RAI1: variants seen among roughly 807,000 people sequenced by gnomAD.
RAI1 encodes retinoic acid-induced protein 1.
A neutral mutation model predicts 123.8 loss-of-function variants in RAI1; 9 were observed. The observed-to-expected ratio is 0.07, with a 90% CI of 0.04 to 0.13. RAI1 has a LOEUF of 0.13. Among genes scored for constraint, RAI1 ranks in the 10% least tolerant of loss-of-function variants. The pLI, the probability that RAI1 is intolerant of heterozygous loss-of-function variation, is 1.00. For missense variants in RAI1, 2,256 were observed against 2,545.8 expected, an observed-to-expected ratio of 0.89 and a Z score of 2.45; for synonymous variants, 1,231 against 1,127.3, an observed-to-expected ratio of 1.09 and a Z score of -1.84.
chr17:17,695,325 C>G (rs1914985756), intron 1 of RAI1, among the ~76,000 whole-genome samples: 1 of 152,152 alleles, frequency 6.6e-6, no homozygotes, highest in Non-Finnish European at 1.5e-5. Context: ...CCCAGGAGCA[C>G]AGGCCTCCCC....
intron 1 of RAI1, among the ~76,000 whole-genome samples, chr17:17,688,583 A>G (rs1034480386): frequency 3.3e-5 from 5 of 151,940 alleles, no homozygotes; most frequent in African/African-American, 4.8e-5. Flanking sequence ...GCTGTTAGGC[A>G]GTTGTTTTTT....
At chr17:17,731,556 G>C (rs563510227) in intron 2 of RAI1, among the ~76,000 whole-genome samples, 1 of 152,180 alleles carries the variant, frequency 6.6e-6, no homozygotes. Flanking sequence ...AGTGAGCACC[G>C]CTGGAGCAAA....
At chr17:17,780,539 G>T (rs559833816) in intron 2 of RAI1, among the ~76,000 whole-genome samples, 144 of 152,338 alleles carry the variant, frequency 9.5e-4, no homozygotes, top group African/African-American at 3.3e-3. Flanking sequence ...AGGGGGACCA[G>T]GGAGGGCCCC....
At chr17:17,808,499 G>C (rs549798990) in intron 4 of RAI1, among the ~76,000 whole-genome samples, 126 of 149,944 alleles carry the variant, frequency 8.4e-4, no homozygotes, top group African/African-American at 3.0e-3. Flanking sequence ...CCAGGCAGGG[G>C]TGCAGTGGTA....
At position 17,797,240 on chromosome 17, in the gene RAI1, C is replaced by T. The variant is rs780935216; in HGVS notation, c.4292C>T (p.Ser1431Phe). ...TGTTTCAAAACCGAGGCCTTCACATCCCCGGAGGCCCTGCAGCCTGGGGGG... is the reference window on the plus strand; with the variant it reads ...TGTTTCAAAACCGAGGCCTTCACATTCCCGGAGGCCCTGCAGCCTGGGGGG... Reference protein sequence around the residue: ...TDCFKTEAFTSPEALQPGGTA... With the variant: ...TDCFKTEAFTFPEALQPGGTA... The change falls in exon 3 of 6, where the codon TCC (serine) becomes TTC (phenylalanine). Residue 1431 changes from serine to phenylalanine, a missense_variant. Physicochemically the swap from Ser to Phe is radical, Grantham distance 155 (BLOSUM62 -2). This residue lies in a region of RAI1 where 410 missense variants were observed against 374.6 expected (regional missense o/e 1.09). Transcript: ENST00000353383. The T allele has an allele frequency of 6.2e-7, 1 of 1,613,542 alleles. No homozygotes were observed. The highest frequency in any genetic ancestry group is 8.5e-7 in the Non-Finnish European group (1 of 1,180,038).
intron 2 of RAI1, chr17:17,778,133 A>G (rs1404608372): frequency 6.6e-6 from 1 of 152,608 alleles, no homozygotes; most frequent in Admixed American, 6.5e-5. Flanking sequence ...CTGCATCAAA[A>G]TCTGCGTCTC....
chr17:17,805,857 T>A (rs921332840), intron 4 of RAI1, among the ~76,000 whole-genome samples: 1 of 152,304 alleles, frequency 6.6e-6, no homozygotes, highest in African/African-American at 2.4e-5. Flanking sequence ...GTCACATTCC[T>A]CCTTCCACAG....
At chr17:17,740,024 C>G (rs1916569421) in intron 2 of RAI1, among the ~76,000 whole-genome samples, 1 of 152,256 alleles carries the variant, frequency 6.6e-6, no homozygotes, top group African/African-American at 2.4e-5. Flanking sequence ...CAGCCCCACC[C>G]TGAGGGAATC....
intron 2 of RAI1, among the ~76,000 whole-genome samples, chr17:17,743,020 C>G (rs59064231): frequency 0.067 from 10,240 of 152,290 alleles, 1,195 homozygotes; most frequent in African/African-American, 0.23. Context: ...ACAGGGTCTC[C>G]CTCTGCAGCC....
chr17:17,705,478 C>G (rs916304930), intron 1 of RAI1, among the ~76,000 whole-genome samples: 1 of 151,964 alleles, frequency 6.6e-6, no homozygotes, highest in African/African-American at 2.4e-5. Flanking sequence ...CTAAAAAATA[C>G]AAAAATTCGG....
chr17:17,742,760 T>C (rs1397103603), intron 2 of RAI1, among the ~76,000 whole-genome samples: 1 of 152,110 alleles, frequency 6.6e-6, no homozygotes, highest in Non-Finnish European at 1.5e-5. Flanking sequence ...ATCCCCTGCA[T>C]TTCTTATCTG....
intron 2 of RAI1, among the ~76,000 whole-genome samples, chr17:17,784,357 C>T (rs1241586137): frequency 1.3e-5 from 2 of 152,222 alleles, no homozygotes; most frequent in Non-Finnish European, 2.9e-5. Flanking sequence ...GCGGCACATT[C>T]CACGACTCCT....
At chr17:17,754,731 G>A (rs1005403494) in intron 2 of RAI1, among the ~76,000 whole-genome samples, 7 of 152,206 alleles carry the variant, frequency 4.6e-5, no homozygotes, top group African/African-American at 1.4e-4. Context: ...AGCCCTAAGC[G>A]TTTTTGGGCA....
intron 1 of RAI1, among the ~76,000 whole-genome samples, chr17:17,703,880 C>T (rs562510984): frequency 5.9e-5 from 9 of 152,358 alleles, no homozygotes; most frequent in Admixed American, 5.2e-4. Flanking sequence ...CGTCTGGCTT[C>T]CCAGAGGGCC....
intron 2 of RAI1, among the ~76,000 whole-genome samples, chr17:17,761,074 A>G (rs1033173559): frequency 6.6e-6 from 1 of 152,156 alleles, no homozygotes; most frequent in Non-Finnish European, 1.5e-5. Context: ...CAGCTGTGTG[A>G]CCTTAGGCTA....
chr17:17,808,305 C>T lies in RAI1; in HGVS notation c.5660-1085C>T, dbSNP rs181593392. ...GCCATGCTTGGTTGTCCTCTCTGCC[C>T]CTGCCTCCTGCGCCCACTGCATGCC... On this transcript the variant is annotated intron_variant, in intron 4 of 5. Coordinates refer to ENST00000353383, the MANE Select transcript of RAI1 (RefSeq NM_030665.4). Among the ~76,000 whole-genome samples, 947 of 152,180 alleles carry T rather than the reference C, an allele frequency of 6.2e-3. 9 individuals are homozygous for T. The highest frequency in any genetic ancestry group is 0.01 in the Non-Finnish European group (690 of 68,000).
At chr17:17,731,236 C>T (rs71367414) in intron 2 of RAI1, among the ~76,000 whole-genome samples, 20,061 of 152,302 alleles carry the variant, frequency 0.13, 1,777 homozygotes, top group Middle Eastern at 0.2. Flanking sequence ...ATTCATGCCT[C>T]GTTTACAGGC....
chr17:17,804,840 TTTTATTTA>T (rs575206893), intron 4 of RAI1, among the ~76,000 whole-genome samples: 85 of 149,462 alleles, frequency 5.7e-4, no homozygotes, highest in South Asian at 3.2e-3. Flanking sequence ...GTGTTTTTAT[TTTTATTTA>T]TTTATTTATT....
In RAI1 at chr17:17,794,001, C is replaced by T. The variant is rs1206372608; in HGVS notation, c.1053C>T (p.Gly351=). Reference sequence around the variant, plus strand: ...GCCACTCACCCGCCCGCTCCGTGGGCCGCTCACCTTCCTACAGTTCCACAC... The same window carrying T: ...GCCACTCACCCGCCCGCTCCGTGGGTCGCTCACCTTCCTACAGTTCCACAC... ...SSSHSPARSV[G]RSPSYSSTPS... Residue 351 remains glycine, a synonymous_variant, in exon 3 of 6, where the codon GGC becomes GGT. Transcript: ENST00000353383. The T allele has an allele frequency of 1.2e-6, 2 of 1,613,952 alleles. No individual in the cohort carries two copies. Among genetic ancestry groups the T allele is most frequent in the Non-Finnish European group, 1.7e-6 (2 of 1,180,030 alleles).
Sources: gnomAD v4.1 joint callset for allele counts (sites outside exome capture counted in the v4.1 genomes callset) on GRCh38, gnomAD v4.1.1 for gene constraint, gnomAD v4.1.1 regional missense constraint, MANE v1.5 for transcripts, NCBI Gene and HGNC (gene_info 2026-07-23, HGNC 2026-07-21) for gene names.